The following KCNMA1 variants were observed in gnomAD, a reference collection of about 807,000 sequenced individuals.
The protein encoded by KCNMA1 is potassium calcium-activated channel subfamily M alpha 1.
A neutral mutation model predicts 140.0 loss-of-function variants in KCNMA1; 29 were observed. The ratio of observed to expected loss-of-function variants is 0.21; its 90% CI spans 0.15 to 0.28. KCNMA1 has a LOEUF of 0.28. Among genes scored for constraint, KCNMA1 ranks in the 10% least tolerant of loss-of-function variants. The pLI is 1.00. For synonymous variants in KCNMA1, 612 were observed against 611.9 expected (o/e 1.00, Z 0.00); for missense variants, 880 against 1,602.2 (o/e 0.55, Z 7.70).
chr10:77,489,958 T>A (rs2098511888), intron 1 of KCNMA1, among the ~76,000 whole-genome samples: 1 of 152,168 alleles, frequency 6.6e-6, no homozygotes, highest in South Asian at 2.1e-4. Flanking sequence ...CATCTTCAGG[T>A]TAGGACAGAG....
intron 1 of KCNMA1, among the ~76,000 whole-genome samples, chr10:77,460,736 A>G (rs1203180422): frequency 1.3e-5 from 2 of 152,210 alleles, no homozygotes; most frequent in African/African-American, 4.8e-5. Context: ...TAAACTGAGT[A>G]CACATGGACA....
chr10:77,171,803 G>A (rs765829353), intron 5 of KCNMA1, among the ~76,000 whole-genome samples: 23 of 152,092 alleles, frequency 1.5e-4, no homozygotes, highest in African/African-American at 4.8e-4. Flanking sequence ...CTTGCAGACC[G>A]CACCTCGAGT....
intron 2 of KCNMA1, among the ~76,000 whole-genome samples, chr10:77,373,452 T>C (rs1052687649): frequency 1.3e-5 from 2 of 152,320 alleles, no homozygotes; most frequent in East Asian, 3.9e-4. Context: ...AATTTCCTCA[T>C]AGGGTTGAAC....
At chr10:77,078,909 C>T (rs1281255289) in intron 13 of KCNMA1, among the ~76,000 whole-genome samples, 1 of 152,162 alleles carries the variant, frequency 6.6e-6, no homozygotes, top group African/African-American at 2.4e-5. Flanking sequence ...TAGACACTTC[C>T]CGAATGAATG....
chr10:77,432,734 C>A (rs1294763775), intron 1 of KCNMA1, among the ~76,000 whole-genome samples: 1 of 152,210 alleles, frequency 6.6e-6, no homozygotes, highest in Non-Finnish European at 1.5e-5. Context: ...GGCTGGGACA[C>A]TCTGGTCCCA....
Position 77,039,883 on chromosome 10 carries a change from C to CTTTTTTTTTTTTTTTTTTTTTT in KCNMA1, c.1750-268_1750-247dup, listed in dbSNP as rs34943268. On this transcript the variant is annotated intron_variant, in intron 14 of 27. Coordinates refer to ENST00000286628, the MANE Select transcript of KCNMA1 (RefSeq NM_001161352.2). Reference sequence around the variant, plus strand: ...TCTTTCCTTTTTCTTTTTTCTTTTTCTTTTTTTTTTTTTTTTTTTTTTTGA... The same window carrying CTTTTTTTTTTTTTTTTTTTTTT: ...TCTTTCCTTTTTCTTTTTTCTTTTTCTTTTTTTTTTTTTTTTTTTTTTTTTTTTTTTTTTTTTTTTTTTTTGA... Among the ~76,000 whole-genome samples the CTTTTTTTTTTTTTTTTTTTTTT allele has an allele frequency of 4.7e-3, 370 of 78,930 alleles. 3 individuals are homozygous for CTTTTTTTTTTTTTTTTTTTTTT. The highest frequency in any genetic ancestry group is 5.0e-3 in the Non-Finnish European group (229 of 45,716). The allele number at this position is 78,930 out of a possible 152,430, so 51.8% of individuals were successfully genotyped here.
At position 76,959,043 on chromosome 10, in the gene KCNMA1, C is replaced by A. The variant is rs918776245; in HGVS notation, c.2361-5119G>T. Among the ~76,000 whole-genome samples the A allele has an allele frequency of 2.0e-5, 3 of 152,036 alleles. No homozygotes were observed. The East Asian group carries it at 5.8e-4, about 29-fold the overall frequency. Reference sequence around the variant, plus strand: ...ATACATAGACATATATATGTAATACCCAGTATCTCCTCTAAAGGTTTTCGG... The same window carrying A: ...ATACATAGACATATATATGTAATACACAGTATCTCCTCTAAAGGTTTTCGG... On this transcript the variant is annotated intron_variant, in intron 20 of 27. Transcript: ENST00000286628.
intron 23 of KCNMA1, among the ~76,000 whole-genome samples, chr10:76,931,520 A>G (rs2059273812): frequency 6.6e-6 from 1 of 151,562 alleles, no homozygotes; most frequent in African/African-American, 2.4e-5. Context: ...GTTTTAAGAA[A>G]AAAAAAAAAA....
chr10:77,634,232 C>T, intron 1 of KCNMA1: 2 of 985,320 alleles, frequency 2.0e-6, no homozygotes, highest in Non-Finnish European at 2.4e-6. Context: ...TGATGAAATC[C>T]CACAAGGAAA....
At chr10:77,433,883 G>A (rs1462900477) in intron 1 of KCNMA1, 1 of 152,196 alleles carries the variant, frequency 6.6e-6, no homozygotes, top group East Asian at 1.9e-4. Context: ...CCGCCAATCA[G>A]TGGCACCAAG....
chr10:77,075,301 C>T (rs774051904), intron 13 of KCNMA1, among the ~76,000 whole-genome samples: 1 of 152,150 alleles, frequency 6.6e-6, no homozygotes, highest in Admixed American at 6.5e-5. Flanking sequence ...TCCTGGGCAT[C>T]GTAGAGAACA....
chr10:77,455,875 T>C (rs1036243428), intron 1 of KCNMA1, among the ~76,000 whole-genome samples: 3 of 152,220 alleles, frequency 2.0e-5, no homozygotes, highest in African/African-American at 7.2e-5. Flanking sequence ...CAGCTCTTAG[T>C]CCTCAGAGCT....
chr10:76,997,755 C>T (rs2084864211), intron 19 of KCNMA1, among the ~76,000 whole-genome samples: 1 of 152,118 alleles, frequency 6.6e-6, no homozygotes, highest in South Asian at 2.1e-4. Flanking sequence ...TTTAATAGTA[C>T]TAGAACACAG....
intron 2 of KCNMA1, among the ~76,000 whole-genome samples, chr10:77,354,083 T>C (rs2093233556): frequency 6.6e-6 from 1 of 151,676 alleles, no homozygotes. Context: ...GCCTCCTGGG[T>C]TCAAGCGATT....
At chr10:77,426,114 T>C (rs888360680) in intron 1 of KCNMA1, among the ~76,000 whole-genome samples, 1 of 152,212 alleles carries the variant, frequency 6.6e-6, no homozygotes, top group African/African-American at 2.4e-5. Context: ...TGAGTCCCAC[T>C]TCACCAGACT....
intron 1 of KCNMA1, among the ~76,000 whole-genome samples, chr10:77,546,478 C>T (rs1235351025): frequency 6.6e-6 from 1 of 152,176 alleles, no homozygotes; most frequent in African/African-American, 2.4e-5. Flanking sequence ...CTTGAAGAAT[C>T]TAAGTCACGA....
intron 1 of KCNMA1, among the ~76,000 whole-genome samples, chr10:77,573,456 T>C (rs1166370461): frequency 6.6e-6 from 1 of 152,018 alleles, no homozygotes; most frequent in East Asian, 1.9e-4. Context: ...CTCAGATTTG[T>C]GACTAAGAGA....
At chr10:77,467,958 C>T (rs1035553342) in intron 1 of KCNMA1, among the ~76,000 whole-genome samples, 5 of 152,084 alleles carry the variant, frequency 3.3e-5, no homozygotes, top group Non-Finnish European at 7.4e-5. Flanking sequence ...TAAGTATTAT[C>T]CTTTGAATAG....
intron 5 of KCNMA1, among the ~76,000 whole-genome samples, chr10:77,135,542 C>T (rs2097994056): frequency 6.6e-6 from 1 of 152,206 alleles, no homozygotes; most frequent in Non-Finnish European, 1.5e-5. Flanking sequence ...GATGTCTGCA[C>T]TCCCATGTTC....
Sources: gnomAD v4.1 joint callset for allele counts (sites outside exome capture counted in the v4.1 genomes callset) on GRCh38, gnomAD v4.1.1 for gene constraint, MANE v1.5 for transcripts, NCBI Gene and HGNC (gene_info 2026-07-23, HGNC 2026-07-21) for gene names.